Variants in USP47 observed in about 807,000 individuals in gnomAD.
USP47 encodes ubiquitin carboxyl-terminal hydrolase 47.
USP47 carries 35 observed loss-of-function variants against 165.1 expected under a neutral mutation model. The observed-to-expected ratio is 0.21, with a 90% confidence interval of 0.16 to 0.28. USP47 has a LOEUF of 0.28. Among genes scored for constraint, USP47 ranks in the 10% least tolerant of loss-of-function variants. The probability of loss-of-function intolerance (pLI) is 1.00; values close to 1 mark genes in which losing one functional copy is unlikely to be tolerated. For synonymous variants in USP47, 531 were observed against 544.5 expected (o/e 0.98, Z 0.35); for missense variants, 1,277 against 1,607.4 (o/e 0.79, Z 3.52).
intron 8 of USP47, 119 bp from the exon 9 acceptor site, chr11:11,920,037 G>T (rs1853715107): frequency 1.5e-6 from 1 of 666,694 alleles, no homozygotes. Flanking sequence ...TACATTTTGA[G>T]TTCCTAAATT....
chr11:11,914,925 T>G (rs746341594), intron 8 of USP47, among the ~76,000 whole-genome samples: 3 of 152,192 alleles, frequency 2.0e-5, no homozygotes, highest in Non-Finnish European at 4.4e-5. Flanking sequence ...TATGGGTAGT[T>G]TCTTATAAAA....
chr11:11,913,165 TA>T (rs1564876641), intron 8 of USP47, among the ~76,000 whole-genome samples: 2 of 142,312 alleles, frequency 1.4e-5, no homozygotes, highest in Non-Finnish European at 3.0e-5. Context: ...CACAGTAAGG[TA>T]AGAAGAGGAA....
intron 1 of USP47, among the ~76,000 whole-genome samples, chr11:11,852,648 A>T (rs112741318): frequency 6.6e-6 from 1 of 152,114 alleles, no homozygotes; most frequent in African/African-American, 2.4e-5. Flanking sequence ...CAGCCTTCCT[A>T]GTTGTAATTG....
intron 8 of USP47, among the ~76,000 whole-genome samples, chr11:11,906,765 A>G (rs1284161265): frequency 6.6e-6 from 1 of 152,072 alleles, no homozygotes; most frequent in Non-Finnish European, 1.5e-5. Flanking sequence ...TTTATTTTTT[A>G]ACCTTATTTT....
intron 1 of USP47, among the ~76,000 whole-genome samples, chr11:11,848,192 G>T (rs1427188134): frequency 6.6e-6 from 1 of 152,178 alleles, no homozygotes; most frequent in Non-Finnish European, 1.5e-5. Flanking sequence ...ATAGTCACTT[G>T]TCACTTAATG....
At chr11:11,878,045 AT>A (rs1590283343) in intron 1 of USP47, among the ~76,000 whole-genome samples, 2 of 152,026 alleles carry the variant, frequency 1.3e-5, no homozygotes, top group Non-Finnish European at 2.9e-5. Context: ...CACACATGAG[AT>A]TGAATTTTGT....
chr11:11,880,824 C>T (rs1850777308), intron 2 of USP47, among the ~76,000 whole-genome samples: 1 of 152,098 alleles, frequency 6.6e-6, no homozygotes. Flanking sequence ...CCAAGATTAT[C>T]TCTAGCTGAC....
At chr11:11,887,421 T>G (rs562618096) in intron 3 of USP47, among the ~76,000 whole-genome samples, 2 of 149,660 alleles carry the variant, frequency 1.3e-5, no homozygotes, top group East Asian at 2.0e-4. Context: ...AAAGCAGGAG[T>G]CGCAATCCTA....
chr11:11,889,649 C>G lies in USP47; in HGVS notation c.358-2319C>G, dbSNP rs570492459. ...TACTGTCCAAAGTAATTTATAGATT[C>G]AATGCTATTCCCATTAAACTACCAT... On this transcript the variant is annotated intron_variant, in intron 3 of 27. Coordinates refer to ENST00000527733, the MANE Select transcript of USP47 (RefSeq NM_001282659.2). Among the ~76,000 whole-genome samples the G allele has an allele frequency of 3.3e-5, 5 of 152,242 alleles. No individual in the cohort carries two copies. In the South Asian group the frequency reaches 6.2e-4, roughly 19 times the overall value.
chr11:11,914,504 T>C (rs1564877273), intron 8 of USP47, among the ~76,000 whole-genome samples: 1 of 152,152 alleles, frequency 6.6e-6, no homozygotes, highest in East Asian at 1.9e-4. Flanking sequence ...TTTTTAGATT[T>C]GCTACCAAAA....
rs1855393791 is a variant in USP47, at chr11:11,940,492, C to A, written c.2257C>A (p.Leu753Ile). The A allele has an allele frequency of 1.9e-6, 3 of 1,611,954 alleles. No individual in the cohort carries two copies. Among genetic ancestry groups the A allele is most frequent in the Non-Finnish European group, 2.5e-6 (3 of 1,178,598 alleles). Residue 753 changes from leucine (L) to isoleucine (I), a missense_variant, in exon 19 of 28, where the codon CTT (leucine) becomes ATT (isoleucine). Physicochemically the swap from Leu to Ile is conservative, Grantham distance 5 (BLOSUM62 2). Coordinates refer to ENST00000527733, the MANE Select transcript of USP47 (RefSeq NM_001282659.2). ...GGAACGCTGCTACAATGATTTGCGT[C>A]TTCTCAGTGTCTCCAGTAAAACCCT... The part of the protein sequence containing the change: ...VLERCYNDLR[L>I]LSVSSKTLKA...
chr11:11,937,377 A>G (rs1418949060), intron 17 of USP47, among the ~76,000 whole-genome samples: 5 of 151,886 alleles, frequency 3.3e-5, no homozygotes, highest in African/African-American at 1.2e-4. Flanking sequence ...TTTTACAATA[A>G]TGTTCTTCTG....
chr11:11,925,032 C>G (rs1200495785), intron 11 of USP47, among the ~76,000 whole-genome samples: 1 of 150,912 alleles, frequency 6.6e-6, no homozygotes, highest in Non-Finnish European at 1.5e-5. Context: ...TTAAGTCTTC[C>G]AGTTCATGAA....
intron 1 of USP47, among the ~76,000 whole-genome samples, chr11:11,877,825 G>C (rs866794126): frequency 0.014 from 974 of 69,050 alleles, 22 homozygotes; most frequent in African/African-American, 0.049. Flanking sequence ...GTGTGTGTGT[G>C]TGTGTGTGTG....
intron 12 of USP47, 71 bp from the exon 13 acceptor site, chr11:11,929,973 T>G (rs79989411): frequency 2.3e-5 from 28 of 1,213,978 alleles, no homozygotes; most frequent in Non-Finnish European, 3.3e-5. Context: ...GGCTAAAGAT[T>G]GAGTTACATA....
chr11:11,920,099 ATTT>A, intron 8 of USP47, 54 bp from the exon 9 acceptor site: 1 of 1,291,706 alleles, frequency 7.7e-7, no homozygotes, highest in East Asian at 2.8e-5. Flanking sequence ...TTTATTCAGG[ATTT>A]TGTCATTAAT....
At chr11:11,911,601 A>T (rs1852992890) in intron 8 of USP47, among the ~76,000 whole-genome samples, 1 of 152,172 alleles carries the variant, frequency 6.6e-6, no homozygotes, top group Non-Finnish European at 1.5e-5. Flanking sequence ...AGCTGCCAAA[A>T]TACATGAAGG....
chr11:11,915,002 A>AT (rs1423407674), intron 8 of USP47, among the ~76,000 whole-genome samples: 2 of 152,176 alleles, frequency 1.3e-5, no homozygotes, highest in African/African-American at 4.8e-5. Flanking sequence ...AAAAATTGAA[A>AT]TTTATGTTTA....
Position 11,890,293 on chromosome 11 carries a change from A to G in USP47, c.358-1675A>G, listed in dbSNP as rs1019117063. Among the ~76,000 whole-genome samples the G allele has an allele frequency of 2.0e-5, 3 of 152,242 alleles. No individual in the cohort carries two copies. In the South Asian group the frequency reaches 6.2e-4, roughly 32 times the overall value. ...TACAGAATGGGAGAAAATTTTTACA[A>G]TCTATCCACCTGACAAAGGTCTAAT... On this transcript the variant is annotated intron_variant, in intron 3 of 27. Coordinates refer to ENST00000527733, the MANE Select transcript of USP47 (RefSeq NM_001282659.2).
Sources: gnomAD v4.1 joint callset for allele counts (sites outside exome capture counted in the v4.1 genomes callset) on GRCh38, gnomAD v4.1.1 for gene constraint, MANE v1.5 for transcripts, NCBI Gene and HGNC (gene_info 2026-07-23, HGNC 2026-07-21) for gene names.